The following PDE4D variants were observed in gnomAD, a reference collection of about 807,000 sequenced individuals.
The protein encoded by PDE4D is 3',5'-cyclic-AMP phosphodiesterase 4D.
In PDE4D, 24 loss-of-function variants were observed where a neutral mutation model predicts 87.4. That is an observed-to-expected ratio of 0.27 (90% CI 0.20 to 0.39). The LOEUF (loss-of-function observed/expected upper bound fraction) is 0.39, where lower values mean the gene tolerates loss of function less well. Among genes scored for constraint, PDE4D ranks in the 10% least tolerant of loss-of-function variants. PDE4D has a pLI of 1.00. For synonymous variants in PDE4D, 384 were observed against 383.2 expected, an observed-to-expected ratio of 1.00 and a Z score of -0.02; for missense variants, 714 against 1,041.0, an observed-to-expected ratio of 0.69 and a Z score of 4.32.
intron 1 of PDE4D, among the ~76,000 whole-genome samples, chr5:59,228,436 C>CAAAA (rs201803062): frequency 9.3e-6 from 1 of 107,562 alleles, no homozygotes. Flanking sequence ...TTAACAACAA[C>CAAAA]AACAAAAAAA....
intron 1 of PDE4D, among the ~76,000 whole-genome samples, chr5:59,568,184 C>T (rs1162730940): frequency 6.6e-6 from 1 of 152,042 alleles, no homozygotes; most frequent in East Asian, 1.9e-4. Context: ...AAACAGAAAA[C>T]AAAACCACCA....
intron 1 of PDE4D, among the ~76,000 whole-genome samples, chr5:59,254,067 C>G (rs902394367): frequency 6.6e-6 from 1 of 152,004 alleles, no homozygotes; most frequent in Non-Finnish European, 1.5e-5. Flanking sequence ...AATAAGACAG[C>G]TGATTCTCAA....
intron 1 of PDE4D, among the ~76,000 whole-genome samples, chr5:59,426,418 T>A (rs1445316202): frequency 6.6e-6 from 1 of 152,136 alleles, no homozygotes; most frequent in African/African-American, 2.4e-5. Flanking sequence ...GTCTTCTGGA[T>A]CTTCGTACCC....
At chr5:59,082,461 G>A (rs1019383840) in intron 5 of PDE4D, among the ~76,000 whole-genome samples, 1 of 151,810 alleles carries the variant, frequency 6.6e-6, no homozygotes, top group African/African-American at 2.4e-5. Context: ...TCAACTGAAA[G>A]GTATAAAAAA....
At chr5:59,713,459 C>T (rs1483937279) in intron 1 of PDE4D, among the ~76,000 whole-genome samples, 1 of 152,162 alleles carries the variant, frequency 6.6e-6, no homozygotes, top group Admixed American at 6.6e-5. Flanking sequence ...CTATGGTTTG[C>T]ACCTACGGCT....
At chr5:58,981,125 G>C (rs931602312) in intron 11 of PDE4D, among the ~76,000 whole-genome samples, 12 of 152,098 alleles carry the variant, frequency 7.9e-5, no homozygotes, top group Admixed American at 6.6e-5. Flanking sequence ...ATCTCTTCCA[G>C]GAACACTCTC....
chr5:60,010,011 A>G (rs1406534497), intron 2 of PDE4D, among the ~76,000 whole-genome samples: 1 of 152,056 alleles, frequency 6.6e-6, no homozygotes, highest in Admixed American at 6.6e-5. Context: ...AGTCTATAGA[A>G]TGGGGAGTAA....
At chr5:59,345,861 G>A (rs1166268986) in intron 1 of PDE4D, among the ~76,000 whole-genome samples, 3 of 152,116 alleles carry the variant, frequency 2.0e-5, no homozygotes, top group Admixed American at 6.5e-5. Flanking sequence ...CCCAACCTAC[G>A]TGTATGCACA....
rs532835028 is a variant in PDE4D, at chr5:60,515,443, T to G, written n.70+6608A>C. Among the ~76,000 whole-genome samples the G allele has an allele frequency of 2.6e-5, 4 of 152,276 alleles. No individual in the cohort carries two copies. In the South Asian group the frequency reaches 8.3e-4, roughly 32 times the overall value. On this transcript the variant is annotated intron_variant and non_coding_transcript_variant, in intron 1 of 2. Transcript: ENST00000506510. The stretch of plus-strand genomic sequence containing the variant: ...TTTACTGTCTTTCAAAAATGGTTTC[T>G]AAATTTCTAATACATGGTGTTATAA...
intron 1 of PDE4D, among the ~76,000 whole-genome samples, chr5:59,718,676 A>C (rs771912145): frequency 4.6e-5 from 7 of 152,316 alleles, no homozygotes; most frequent in Middle Eastern, 6.8e-3. Flanking sequence ...GCTGTTAGAA[A>C]GATCTCGAGA....
At chr5:60,105,615 A>T in intron 2 of PDE4D, among the ~76,000 whole-genome samples, 1 of 152,134 alleles carries the variant, frequency 6.6e-6, no homozygotes, top group Non-Finnish European at 1.5e-5. Context: ...CCAGAGAGAA[A>T]GGTTGGGTTA....
At chr5:59,631,687 T>C (rs991126271) in intron 1 of PDE4D, among the ~76,000 whole-genome samples, 29 of 152,334 alleles carry the variant, frequency 1.9e-4, no homozygotes, top group African/African-American at 6.5e-4. Flanking sequence ...CATGAGGGAC[T>C]GTGCCGTGAG....
At chr5:59,627,082 A>G (rs1479873002) in intron 1 of PDE4D, among the ~76,000 whole-genome samples, 12 of 152,112 alleles carry the variant, frequency 7.9e-5, no homozygotes, top group Non-Finnish European at 1.5e-5. Context: ...TGAAGGGTCT[A>G]CTCTACAACC....
Position 60,045,269 on chromosome 5 carries a change from G to C in PDE4D, c.43-56552C>G, listed in dbSNP as rs571338227. ...TGTAGATTCTGGATATTAGCCCTTT[G>C]TCAGATGAGTAGGTTGTGAAAATTT... On this transcript the variant is annotated intron_variant, in intron 2 of 16. Transcript: ENST00000502484. Among the ~76,000 whole-genome samples the C allele has an allele frequency of 3.8e-4, 57 of 151,988 alleles. No homozygotes were observed. The East Asian group carries it at 6.4e-3, about 17-fold the overall frequency.
intron 2 of PDE4D, among the ~76,000 whole-genome samples, chr5:59,201,738 T>C (rs9292196): frequency 0.97 from 147,171 of 152,230 alleles, 71,818 homozygotes; most frequent in African/African-American, 1. Context: ...TAAAGCCAAC[T>C]TCAGTTACAA....
rs774114856 is a variant in PDE4D, at chr5:59,780,065, TAAG to T, written c.455+113100_455+113102del. ...CTTCTATTTCTTAGGCAGAAGAAAT[TAAG>T]AAGAGCGTCAGTGAGCCGGGCGCGG... On this transcript the variant is annotated intron_variant, in intron 1 of 14. Transcript: ENST00000340635. Among the ~76,000 whole-genome samples the T allele has an allele frequency of 1.1e-4, 17 of 152,304 alleles. 1 individual carries two copies. The South Asian group carries it at 2.5e-3, about 22-fold the overall frequency.
chr5:59,560,313 T>A (rs1819745113), intron 1 of PDE4D, among the ~76,000 whole-genome samples: 1 of 152,216 alleles, frequency 6.6e-6, no homozygotes, highest in Admixed American at 6.5e-5. Flanking sequence ...TTATCTGTTT[T>A]ATGTCTTATA....
chr5:59,885,370 T>C (rs1439225384), intron 1 of PDE4D, among the ~76,000 whole-genome samples: 1 of 152,190 alleles, frequency 6.6e-6, no homozygotes, highest in East Asian at 1.9e-4. Flanking sequence ...CATTTTTAAA[T>C]AAGCCTCTGA....
In PDE4D at chr5:60,109,755, G is replaced by T. The variant is rs565408223; in HGVS notation, c.42+75802C>A. Among the ~76,000 whole-genome samples, 2 of 151,592 alleles carry T rather than the reference G, an allele frequency of 1.3e-5. 1 individual carries two copies. The highest frequency in any genetic ancestry group is 4.2e-4 in the South Asian group (2 of 4,814). The stretch of plus-strand genomic sequence containing the variant: ...AAATCATCATTCTCAGTAAACTATC[G>T]CAAGGACAAAAAACCAAACACCGCA... On this transcript the variant is annotated intron_variant, in intron 2 of 16. Transcript: ENST00000502484.
Sources: allele counts gnomAD v4.1 joint callset (sites outside exome capture counted in the v4.1 genomes callset), GRCh38; gene constraint gnomAD v4.1.1; transcripts MANE v1.5; gene names NCBI Gene and HGNC (gene_info 2026-07-23, HGNC 2026-07-21).